Variants in MRAP2 observed in about 807,000 individuals in gnomAD.
The protein encoded by MRAP2 is melanocortin 2 receptor accessory protein 2.
MRAP2 carries 20 observed loss-of-function variants against 17.4 expected under a neutral mutation model. That is an observed-to-expected ratio of 1.15 (90% CI 0.81 to 1.67). MRAP2 has a LOEUF of 1.67. Among genes scored for constraint, MRAP2 ranks in the 40% most tolerant of loss-of-function variants. The pLI is 0.00. For missense variants in MRAP2, 238 were observed against 240.0 expected (o/e 0.99, Z 0.05); for synonymous variants, 96 against 88.4 (o/e 1.09, Z -0.48).
chr6:84,079,222 A>T (rs971353611), intron 3 of MRAP2, among the ~76,000 whole-genome samples: 2 of 152,226 alleles, frequency 1.3e-5, no homozygotes, highest in Admixed American at 1.3e-4. Flanking sequence ...CATTAGTAAG[A>T]AAAAGGACAA....
chr6:84,109,356 TGGTTTATAGTTTTCCTTGAAGA>T, the MRAP2 span, among the ~76,000 whole-genome samples: 4 of 152,246 alleles, frequency 2.6e-5, no homozygotes, highest in South Asian at 8.3e-4. Flanking sequence ...CTTTGAGCAG[TGGTTTATAGTTTTCCTTGAAGA>T]GGTCCTTCAT....
At chr6:84,120,055 T>C in the MRAP2 span, among the ~76,000 whole-genome samples, 1,929 of 152,318 alleles carry the variant, frequency 0.013, 45 homozygotes, top group African/African-American at 0.044. Flanking sequence ...AGAGGTGTAG[T>C]GCTGTCCAAG....
At position 84,037,350 on chromosome 6, in the gene MRAP2, A is replaced by T. The variant is rs558629939; in HGVS notation, c.-8+3467A>T. Among the ~76,000 whole-genome samples, 8 of 152,362 alleles carry T rather than the reference A, an allele frequency of 5.3e-5. No individual in the cohort carries two copies. In the South Asian group the frequency reaches 1.2e-3, roughly 24 times the overall value. On this transcript the variant is annotated intron_variant, in intron 1 of 3. Transcript: ENST00000257776. Reference sequence around the variant, plus strand: ...ACAGAGTGCTGATTGGTGCATATACAATCCTCCAACTAGACATAAAAGTTC... The same window carrying T: ...ACAGAGTGCTGATTGGTGCATATACTATCCTCCAACTAGACATAAAAGTTC...
chr6:84,142,122 G>A, the MRAP2 span, among the ~76,000 whole-genome samples: 2 of 152,220 alleles, frequency 1.3e-5, no homozygotes, highest in East Asian at 3.9e-4. Context: ...TAAACACACT[G>A]CTATAAAAAC....
At chr6:84,084,068 G>GATA (rs939339567) in intron 3 of MRAP2, among the ~76,000 whole-genome samples, 5 of 152,010 alleles carry the variant, frequency 3.3e-5, no homozygotes. Flanking sequence ...ATAGCAGTTT[G>GATA]ATAATAATAA....
intron 2 of MRAP2, among the ~76,000 whole-genome samples, chr6:84,060,520 T>C (rs1302315050): frequency 2.0e-5 from 3 of 152,250 alleles, no homozygotes; most frequent in Non-Finnish European, 4.4e-5. Flanking sequence ...CATTGGTGTA[T>C]AATTTTAGAA....
the MRAP2 span, among the ~76,000 whole-genome samples, chr6:84,097,116 A>G: frequency 1.3e-5 from 2 of 152,162 alleles, no homozygotes; most frequent in Non-Finnish European, 2.9e-5. Context: ...GCAGTGAAAA[A>G]GCCACAGTCC....
the MRAP2 span, among the ~76,000 whole-genome samples, chr6:84,098,452 A>T: frequency 6.6e-6 from 1 of 152,182 alleles, no homozygotes; most frequent in Non-Finnish European, 1.5e-5. Context: ...ATAAGTCTTC[A>T]TGTGAACATG....
intron 2 of MRAP2, among the ~76,000 whole-genome samples, chr6:84,057,885 G>A (rs991705578): frequency 6.6e-6 from 1 of 152,166 alleles, no homozygotes; most frequent in Non-Finnish European, 1.5e-5. Flanking sequence ...GGAGAGATTT[G>A]ATAAAAGACC....
chr6:84,070,112 G>T (rs920444268), intron 3 of MRAP2, among the ~76,000 whole-genome samples: 1 of 151,704 alleles, frequency 6.6e-6, no homozygotes, highest in Non-Finnish European at 1.5e-5. Flanking sequence ...GATGATCTTG[G>T]TTATTACCTT....
At position 84,048,610 on chromosome 6, in the gene MRAP2, C is replaced by T. The variant is rs79198024; in HGVS notation, c.-7-6702C>T. Reference sequence around the variant, plus strand: ...GGGGAACCCAACTCAACCATGATAGCATGTTGTGGTGGCAACCATTGACAC... The same window carrying T: ...GGGGAACCCAACTCAACCATGATAGTATGTTGTGGTGGCAACCATTGACAC... On this transcript the variant is annotated intron_variant, in intron 1 of 3. Coordinates refer to ENST00000257776, the MANE Select transcript of MRAP2 (RefSeq NM_138409.4). Among the ~76,000 whole-genome samples, 1,227 of 152,268 alleles carry T rather than the reference C, an allele frequency of 8.1e-3. 20 individuals carry two copies. The highest frequency in any genetic ancestry group is 0.028 in the African/African-American group (1,143 of 41,538).
the MRAP2 span, among the ~76,000 whole-genome samples, chr6:84,144,311 T>C: frequency 6.6e-6 from 1 of 152,048 alleles, no homozygotes; most frequent in Non-Finnish European, 1.5e-5. Flanking sequence ...GTTCCAGAAG[T>C]TGTATACAAT....
At chr6:84,115,848 T>C in the MRAP2 span, among the ~76,000 whole-genome samples, 2 of 152,158 alleles carry the variant, frequency 1.3e-5, no homozygotes, top group Non-Finnish European at 2.9e-5. Context: ...CCCTGACCCT[T>C]TGTGCTTCTT....
At chr6:84,047,567 A>G (rs1229130936) in intron 1 of MRAP2, among the ~76,000 whole-genome samples, 1 of 152,194 alleles carries the variant, frequency 6.6e-6, no homozygotes, top group South Asian at 2.1e-4. Flanking sequence ...AAAATGTACC[A>G]TTTTTGAATG....
At chr6:84,145,034 C>T in the MRAP2 span, among the ~76,000 whole-genome samples, 1 of 152,082 alleles carries the variant, frequency 6.6e-6, no homozygotes, top group South Asian at 2.1e-4. Context: ...TGTCATATTT[C>T]AGAATGTGCA....
At chr6:84,116,825 T>C in the MRAP2 span, among the ~76,000 whole-genome samples, 2 of 152,196 alleles carry the variant, frequency 1.3e-5, no homozygotes, top group East Asian at 3.8e-4. Context: ...CCTTGCATCC[T>C]GGGGATGTAG....
At chr6:84,144,658 A>C in the MRAP2 span, among the ~76,000 whole-genome samples, 1 of 152,080 alleles carries the variant, frequency 6.6e-6, no homozygotes, top group Non-Finnish European at 1.5e-5. Context: ...TTCTAATGAA[A>C]AGATTGATTG....
At chr6:84,091,861 G>A (rs940914553), downstream of MRAP2, among the ~76,000 whole-genome samples, 2 of 152,144 alleles carry the variant, frequency 1.3e-5, no homozygotes, top group African/African-American at 4.8e-5. Flanking sequence ...GGCCACATAT[G>A]CTTCATGCTC....
the MRAP2 span, among the ~76,000 whole-genome samples, chr6:84,145,604 G>A: frequency 6.6e-6 from 1 of 151,988 alleles, no homozygotes; most frequent in Non-Finnish European, 1.5e-5. Context: ...ATGTAATCTG[G>A]TCTAGATCTC....
Sources: allele counts gnomAD v4.1 joint callset (sites outside exome capture counted in the v4.1 genomes callset), GRCh38; gene constraint gnomAD v4.1.1; transcripts MANE v1.5; gene names NCBI Gene and HGNC (gene_info 2026-07-23, HGNC 2026-07-21).